DACT2: variants seen among roughly 807,000 people sequenced by gnomAD.
DACT2 encodes dishevelled binding antagonist of beta catenin 2.
DACT2 carries 20 observed loss-of-function variants against 22.2 expected under a neutral mutation model. That is an observed-to-expected ratio of 0.90 (90% CI 0.63 to 1.31). The LOEUF (loss-of-function observed/expected upper bound fraction) is 1.31, where lower values mean the gene tolerates loss of function less well. DACT2 is among the 50% of genes most tolerant of loss of function. The pLI, the probability that DACT2 is intolerant of heterozygous loss-of-function variation, is 0.00. For missense variants in DACT2, 1,048 were observed against 1,061.4 expected, an observed-to-expected ratio of 0.99 and a Z score of 0.18; for synonymous variants, 463 against 479.8, an observed-to-expected ratio of 0.96 and a Z score of 0.46.
At chr6:168,306,893 G>A (rs774353925), downstream of DACT2, 12 of 989,606 alleles carry the variant, frequency 1.2e-5, no homozygotes, top group Non-Finnish European at 1.3e-5. Context: ...AAGGAATCAG[G>A]GAGGAAGAGG....
downstream of DACT2, chr6:168,306,865 C>G (rs1281520317): frequency 1.0e-6 from 1 of 985,428 alleles, no homozygotes; most frequent in Non-Finnish European, 1.2e-6. Flanking sequence ...ATTATGGTGA[C>G]CCTACCATGT....
At chr6:168,314,182 A>C (rs1489351912) in intron 1 of DACT2, among the ~76,000 whole-genome samples, 1 of 152,246 alleles carries the variant, frequency 6.6e-6, no homozygotes, top group East Asian at 1.9e-4. Context: ...ACGCATGTCC[A>C]TGATTGGACC....
At chr6:168,304,184 G>A (rs1779158649), downstream of DACT2, among the ~76,000 whole-genome samples, 1 of 152,190 alleles carries the variant, frequency 6.6e-6, no homozygotes, top group African/African-American at 2.4e-5. Context: ...TCAAATGACA[G>A]GCCACGCTCT....
intron 3 of DACT2, among the ~76,000 whole-genome samples, chr6:168,294,875 A>G (rs1308329765): frequency 3.3e-5 from 5 of 152,190 alleles, no homozygotes; most frequent in Non-Finnish European, 7.3e-5. Flanking sequence ...TAAAATTTTA[A>G]TTTTCTATAC....
At chr6:168,299,131 T>G (rs1249899904) in intron 3 of DACT2, 1 of 152,238 alleles carries the variant, frequency 6.6e-6, no homozygotes, top group Admixed American at 6.5e-5. Flanking sequence ...AAATTACTAT[T>G]TTCCCTAAAT....
At chr6:168,313,991 GCCGCGCTTGTAACCCCGA>G (rs148363866) in intron 1 of DACT2, among the ~76,000 whole-genome samples, 32,783 of 151,788 alleles carry the variant, frequency 0.22, 3,586 homozygotes, top group South Asian at 0.26. Flanking sequence ...CAGGATTCAC[GCCGCGCTTGTAACCCCGA>G]CCGCGCTTGT....
intron 1 of DACT2, among the ~76,000 whole-genome samples, chr6:168,315,375 G>A (rs1052549162): frequency 6.6e-6 from 1 of 152,042 alleles, no homozygotes; most frequent in Admixed American, 6.6e-5. Flanking sequence ...GGGAATGGCC[G>A]GCACTTCTTG....
At chr6:168,315,280 A>G (rs192024424) in intron 1 of DACT2, among the ~76,000 whole-genome samples, 106 of 152,262 alleles carry the variant, frequency 7.0e-4, no homozygotes, top group African/African-American at 2.5e-3. Context: ...TGGGGTTTTC[A>G]GTCTACTCAT....
chr6:168,308,897 G>A lies in DACT2; in HGVS notation c.860C>T (p.Pro287Leu), dbSNP rs1476542521. Residue 287 changes from proline to leucine, a missense_variant, in exon 4 of 4, where the codon CCC becomes CTC. By Grantham distance (98) the Pro-to-Leu change is moderately conservative. Coordinates refer to ENST00000366795, the MANE Select transcript of DACT2 (RefSeq NM_214462.5). Reference protein sequence around the residue: ...SPLHAVALQSPLFVLTKETPQ... With the variant: ...SPLHAVALQSLLFVLTKETPQ... ...GGTTTCCTTAGTCAGGACAAACAGG[G>A]GGCTCTGTAGAGCCACGGCGTGCAG... The A allele has an allele frequency of 1.3e-6, 2 of 1,550,814 alleles. No individual in the cohort carries two copies. The highest frequency in any genetic ancestry group is 1.4e-5 in the African/African-American group (1 of 73,164).
At chr6:168,312,832 A>G (rs1342012554) in intron 1 of DACT2, among the ~76,000 whole-genome samples, 1 of 152,208 alleles carries the variant, frequency 6.6e-6, no homozygotes, top group Non-Finnish European at 1.5e-5. Context: ...AAATCATTAC[A>G]AGAGAGAGGC....
chr6:168,294,599 A>C (rs1583287689), intron 4 of DACT2: 2 of 762,544 alleles, frequency 2.6e-6, no homozygotes, highest in Admixed American at 7.0e-5. Context: ...ATATATATAT[A>C]TATACACATA....
Position 168,307,448 on chromosome 6 carries a change from A to T in DACT2, c.2309T>A (p.Val770Asp). 6.4e-7 allele frequency: 1 copy of T among 1,551,564 alleles called. No individual in the cohort carries two copies. ...CACTGCACCTCACACCATGGTCATGACCTTCAGGGCCGTCGGCTGGAACCT... is the reference window on the plus strand; with the variant it reads ...CACTGCACCTCACACCATGGTCATGTCCTTCAGGGCCGTCGGCTGGAACCT... ...IRRFQPTALK[V>D]MTMV The change falls in exon 4 of 4, where the codon GTC becomes GAC. Residue 770 changes from valine to aspartate, a missense_variant. Physicochemically the swap from Val to Asp is radical, Grantham distance 152. Coordinates refer to ENST00000366795, the MANE Select transcript of DACT2 (RefSeq NM_214462.5). The surrounding 1 kb of genome is among the most constrained non-coding windows in gnomAD (Gnocchi z 5.3).
intron 1 of DACT2, among the ~76,000 whole-genome samples, chr6:168,313,908 C>A (rs1380140093): frequency 6.6e-6 from 1 of 152,126 alleles, no homozygotes; most frequent in African/African-American, 2.4e-5. Flanking sequence ...GCAGGACACA[C>A]AGAGCTCTCA....
intron 3 of DACT2, among the ~76,000 whole-genome samples, chr6:168,309,365 T>A (rs562391277): frequency 1.2e-4 from 8 of 65,362 alleles, no homozygotes; most frequent in East Asian, 1.8e-3. Flanking sequence ...TCATTTGCAT[T>A]TAGACACAGG....
downstream of DACT2, among the ~76,000 whole-genome samples, chr6:168,304,442 A>C (rs987259041): frequency 1.3e-5 from 2 of 152,230 alleles, no homozygotes; most frequent in Admixed American, 1.3e-4. Context: ...CAGCCCTCTC[A>C]AAAACGGGCT....
intron 3 of DACT2, 89 bp downstream of exon 3, chr6:168,310,079 C>G: frequency 1.3e-6 from 2 of 1,506,488 alleles, no homozygotes; most frequent in Non-Finnish European, 1.8e-6. Context: ...CGTGTAGGGT[C>G]CCCGGCTCTG....
downstream of DACT2, chr6:168,306,888 A>G: frequency 1.0e-6 from 1 of 989,116 alleles, no homozygotes; most frequent in Non-Finnish European, 1.2e-6. Context: ...CACACAAGGA[A>G]TCAGGGAGGA....
Position 168,308,448 on chromosome 6 carries a change from T to G in DACT2, c.1309A>C (p.Met437Leu). 1 of 1,551,642 alleles carries G rather than the reference T, an allele frequency of 6.4e-7. No individual in the cohort carries two copies. Among genetic ancestry groups the G allele is most frequent in the Non-Finnish European group, 8.7e-7 (1 of 1,146,960 alleles). ...PSNSCVLRETMVQASPSSKAQ... is the reference protein window; with the variant it reads ...PSNSCVLRETLVQASPSSKAQ... ...TTTGAGCTGGGAGAAGCCTGCACCA[T>G]GGTCTCCCTGAGGACACAGCTGTTT... The change falls in exon 4 of 4, where the codon ATG becomes CTG. Residue 437 changes from methionine (M) to leucine (L), a missense_variant. By Grantham distance (15) the Met-to-Leu change is conservative. Transcript: ENST00000366795.
At chr6:168,296,947 A>C (rs909396531) in intron 3 of DACT2, among the ~76,000 whole-genome samples, 1 of 152,232 alleles carries the variant, frequency 6.6e-6, no homozygotes, top group Non-Finnish European at 1.5e-5. Flanking sequence ...GGACTCCTAC[A>C]CATCAATGAA....
Sources: allele counts gnomAD v4.1 joint callset (sites outside exome capture counted in the v4.1 genomes callset), GRCh38; gene constraint gnomAD v4.1.1; non-coding constraint Gnocchi (gnomAD v3.1); transcripts MANE v1.5; gene names NCBI Gene and HGNC (gene_info 2026-07-23, HGNC 2026-07-21).